The following RBFOX1 variants were observed in gnomAD, a reference collection of about 807,000 sequenced individuals.
RBFOX1 encodes RNA binding fox-1 homolog 1.
In RBFOX1, 8 loss-of-function variants were observed where a neutral mutation model predicts 57.7. The observed-to-expected ratio is 0.14, with a 90% confidence interval of 0.08 to 0.25. The LOEUF is 0.25. Among genes scored for constraint, RBFOX1 ranks in the 10% least tolerant of loss-of-function variants. The pLI, the probability that RBFOX1 is intolerant of heterozygous loss-of-function variation, is 1.00. For missense variants in RBFOX1, 611 were observed against 548.5 expected (o/e 1.11, Z -1.14); for synonymous variants, 326 against 222.4 (o/e 1.47, Z -4.15).
intron 10 of RBFOX1, among the ~76,000 whole-genome samples, chr16:7,610,516 C>G (rs1052479188): frequency 4.6e-5 from 7 of 152,174 alleles, no homozygotes; most frequent in African/African-American, 1.7e-4. Flanking sequence ...GCTGCCACCA[C>G]CACCACCATA....
intron 1 of RBFOX1, among the ~76,000 whole-genome samples, chr16:6,234,516 A>G (rs147507342): frequency 2.0e-4 from 31 of 152,292 alleles, no homozygotes; most frequent in African/African-American, 6.3e-4. Flanking sequence ...TGGATAAGAG[A>G]CAGTAGAAGT....
At chr16:5,863,492 G>C (rs1038019541) in intron 3 of RBFOX1, among the ~76,000 whole-genome samples, 1 of 152,136 alleles carries the variant, frequency 6.6e-6, no homozygotes, top group East Asian at 1.9e-4. Flanking sequence ...TCTGCGGTAC[G>C]GTCTGGCTTG....
chr16:7,087,431 C>T (rs920561233), intron 4 of RBFOX1, among the ~76,000 whole-genome samples: 2 of 152,106 alleles, frequency 1.3e-5, no homozygotes, highest in East Asian at 1.9e-4. Flanking sequence ...TTTTTGTTTT[C>T]GCCACTGTGG....
chr16:6,163,283 C>A (rs1487934416), intron 1 of RBFOX1, among the ~76,000 whole-genome samples: 1 of 152,178 alleles, frequency 6.6e-6, no homozygotes, highest in East Asian at 1.9e-4. Context: ...GAGGTAAAGA[C>A]CAGAGAATGA....
chr16:7,069,885 G>C (rs1215225165), intron 4 of RBFOX1, among the ~76,000 whole-genome samples: 1 of 152,126 alleles, frequency 6.6e-6, no homozygotes, highest in Non-Finnish European at 1.5e-5. Context: ...ATTTGCGCTT[G>C]AATTTTACCC....
chr16:5,362,498 G>A (rs2065581245), intron 1 of RBFOX1, among the ~76,000 whole-genome samples: 4 of 152,224 alleles, frequency 2.6e-5, no homozygotes, highest in Admixed American at 2.0e-4. Flanking sequence ...GAGTAGCTGG[G>A]ATTACAGGCA....
At chr16:6,202,843 A>G (rs984916908) in intron 1 of RBFOX1, among the ~76,000 whole-genome samples, 2 of 152,114 alleles carry the variant, frequency 1.3e-5, no homozygotes, top group African/African-American at 2.4e-5. Flanking sequence ...GCTGGAGTGC[A>G]GTGGCACAAT....
At chr16:5,914,510 C>T (rs1306027462) in intron 4 of RBFOX1, among the ~76,000 whole-genome samples, 2 of 152,132 alleles carry the variant, frequency 1.3e-5, no homozygotes, top group East Asian at 3.9e-4. Context: ...TGTTGGCCAG[C>T]CTCAGTTCCC....
chr16:5,609,412 C>T (rs1005833047), intron 3 of RBFOX1, among the ~76,000 whole-genome samples: 1 of 152,204 alleles, frequency 6.6e-6, no homozygotes, highest in African/African-American at 2.4e-5. Flanking sequence ...TGTCACCTTC[C>T]ACTCTAGGGA....
intron 3 of RBFOX1, among the ~76,000 whole-genome samples, chr16:6,948,292 A>C (rs1417627615): frequency 3.9e-5 from 6 of 151,900 alleles, no homozygotes; most frequent in African/African-American, 1.5e-4. Context: ...TAAAAATTTT[A>C]ATTTAAAACA....
chr16:7,147,752 C>A (rs1466990282), intron 4 of RBFOX1, among the ~76,000 whole-genome samples: 1 of 152,072 alleles, frequency 6.6e-6, no homozygotes, highest in African/African-American at 2.4e-5. Flanking sequence ...CATGTCTTTG[C>A]TATGGTGAAT....
intron 1 of RBFOX1, among the ~76,000 whole-genome samples, chr16:6,060,154 T>C (rs1596824109): frequency 1.6e-5 from 2 of 122,078 alleles, no homozygotes; most frequent in Non-Finnish European, 3.4e-5. Context: ...TTTTTTTTTT[T>C]TTTTACGTAT....
intron 4 of RBFOX1, among the ~76,000 whole-genome samples, chr16:7,265,015 C>G (rs942674921): frequency 1.3e-4 from 20 of 152,360 alleles, no homozygotes; most frequent in African/African-American, 4.3e-4. Context: ...ACCATAGGCT[C>G]TGGACTTCAA....
intron 3 of RBFOX1, among the ~76,000 whole-genome samples, chr16:7,044,416 G>C (rs1055007448): frequency 1.3e-5 from 2 of 152,176 alleles, no homozygotes; most frequent in African/African-American, 4.8e-5. Context: ...GGATGAAAAA[G>C]GCTGAGTGAG....
chr16:6,459,333 C>G (rs2094853152), intron 2 of RBFOX1, among the ~76,000 whole-genome samples: 1 of 152,096 alleles, frequency 6.6e-6, no homozygotes, highest in East Asian at 1.9e-4. Flanking sequence ...GCGAAATCAG[C>G]AAGTTTTCTT....
intron 3 of RBFOX1, among the ~76,000 whole-genome samples, chr16:5,860,513 T>G (rs1268638229): frequency 6.6e-6 from 1 of 152,224 alleles, no homozygotes; most frequent in Non-Finnish European, 1.5e-5. Flanking sequence ...TGCTCCCATT[T>G]GTCAAGGTGG....
At chr16:6,327,779 T>A (rs570361996) in intron 2 of RBFOX1, among the ~76,000 whole-genome samples, 1 of 152,268 alleles carries the variant, frequency 6.6e-6, no homozygotes, top group South Asian at 2.1e-4. Flanking sequence ...GCCAGGAGCC[T>A]CTCTTCTTGA....
At chr16:5,760,360 TCA>T (rs61662533) in intron 3 of RBFOX1, among the ~76,000 whole-genome samples, 24 of 150,650 alleles carry the variant, frequency 1.6e-4, no homozygotes, top group East Asian at 3.9e-4. Flanking sequence ...CTCAGCAATT[TCA>T]CACACACACA....
rs28451742 is a variant in RBFOX1 at position 6,004,687 on chromosome 16, G to T, written c.351+137352G>T. Among the ~76,000 whole-genome samples the T allele has an allele frequency of 9.3e-3, 1,420 of 152,256 alleles. 20 individuals carry two copies. Among genetic ancestry groups the T allele is most frequent in the African/African-American group, 0.032 (1,316 of 41,548 alleles). On this transcript the variant is annotated intron_variant, in intron 4 of 19. Transcript: ENST00000641259. The stretch of plus-strand genomic sequence containing the variant: ...ATTTAATGCCCCTTGCCTTGAGATA[G>T]TGTCTGACTTTAGAGGTCCTCATCA...
Sources: allele counts gnomAD v4.1 joint callset (sites outside exome capture counted in the v4.1 genomes callset), GRCh38; gene constraint gnomAD v4.1.1; transcripts MANE v1.5; gene names NCBI Gene and HGNC (gene_info 2026-07-23, HGNC 2026-07-21).